HERC5: variants seen among roughly 807,000 people sequenced by gnomAD.
HERC5 encodes the protein E3 ISG15--protein ligase HERC5.
A neutral mutation model predicts 119.6 loss-of-function variants in HERC5; 99 were observed. The ratio of observed to expected loss-of-function variants is 0.83; its 90% CI spans 0.70 to 0.98. The LOEUF (loss-of-function observed/expected upper bound fraction) is 0.98, where lower values mean the gene tolerates loss of function less well. Among genes scored for constraint, HERC5 ranks in the 50% least tolerant of loss-of-function variants. The pLI is 0.00. For missense variants in HERC5, 1,267 were observed against 1,241.3 expected, an observed-to-expected ratio of 1.02 and a Z score of -0.31; for synonymous variants, 478 against 445.9, an observed-to-expected ratio of 1.07 and a Z score of -0.91.
intron 18 of HERC5, among the ~76,000 whole-genome samples, chr4:88,499,388 T>C (rs74658427): frequency 0.12 from 17,692 of 152,212 alleles, 1,297 homozygotes; most frequent in East Asian, 0.25. Flanking sequence ...AATTTAAAAA[T>C]TGGTTACTGT....
rs189314155 is a variant in HERC5, at chr4:88,499,952, A to G, written c.2471A>G (p.Glu824Gly). 9 of 1,608,928 alleles carry G rather than the reference A, an allele frequency of 5.6e-6. No individual in the cohort carries two copies. The highest frequency in any genetic ancestry group is 6.8e-6 in the Non-Finnish European group (8 of 1,175,646). Residue 824 changes from glutamate (E) to glycine (G), a missense_variant, in exon 19 of 23, where the codon GAA becomes GGA. Glu to Gly is a moderately conservative substitution (Grantham distance 98). This residue lies in a region of HERC5 where 473 missense variants were observed against 445.7 expected (regional missense o/e 1.06). Transcript: ENST00000264350. Reference protein sequence around the residue: ...GKNLQTLLDDEGDNFEEVFYI... With the variant: ...GKNLQTLLDDGGDNFEEVFYI... ...AATTTGCAAACACTTCTGGATGATG[A>G]AGGTGATAACTTTGAGGAAGTATTT...
At position 88,494,247 on chromosome 4, in the gene HERC5, C is replaced by G; in HGVS notation, c.2360C>G (p.Pro787Arg). Residue 787 changes from proline (P) to arginine (R), a missense_variant, in exon 18 of 23, where the codon CCT becomes CGT. Physicochemically the swap from Pro to Arg is moderately radical, Grantham distance 103. Transcript: ENST00000264350. ...TTCAATTGCAATGTTGCCAACCTTC[C>G]TTTCCCACTGGCACTGTTTAAGAAA... is the stretch of plus-strand genomic sequence containing the variant. The part of the protein sequence containing the change: ...SLFNCNVANL[P>R]FPLALFKKLL... 6.2e-7 allele frequency: 1 copy of G among 1,613,226 alleles called. No homozygotes were observed. The highest frequency in any genetic ancestry group is 1.1e-5 in the South Asian group (1 of 91,032).
Position 88,493,102 on chromosome 4 carries a change from T to C in HERC5, c.2224T>C (p.Tyr742His). 6.2e-7 allele frequency: 1 copy of C among 1,614,132 alleles called. No homozygotes were observed. The highest frequency in any genetic ancestry group is 8.5e-7 in the Non-Finnish European group (1 of 1,180,012). Residue 742 changes from tyrosine (Y) to histidine (H), a missense_variant, in exon 17 of 23, where the codon TAT (tyrosine) becomes CAT (histidine). Coordinates refer to ENST00000264350, the MANE Select transcript of HERC5 (RefSeq NM_016323.4). The part of the protein sequence containing the change: ...CLFAEMIQPE[Y>H]GMFMYPEGAS... ...GTTTGCAGAGATGATCCAGCCGGAA[T>C]ATGGGATGTTCATGTATCCTGAAGG...
In HERC5 at chr4:88,459,486, C is replaced by A. The variant is rs1468179697; in HGVS notation, c.389+16C>A. ...AACATCTAAGGTAGGGAACTTTTTT[C>A]TTTTATTAAAAATTAATTTTAATCA... On this transcript the variant is annotated intron_variant, in intron 2 of 22. Transcript: ENST00000264350. 1.4e-6 allele frequency: 2 copies of A among 1,462,254 alleles called. No homozygotes were observed. The highest frequency in any genetic ancestry group is 1.8e-6 in the Non-Finnish European group (2 of 1,087,992). The allele number at this position is 1,462,254 out of a possible 1,614,324, so 90.6% of individuals were successfully genotyped here. A position where few individuals can be genotyped will look rare whatever the true frequency, so the allele number is the denominator to read the frequency against.
chr4:88,468,025 C>G, intron 7 of HERC5: 1 of 323,730 alleles, frequency 3.1e-6, no homozygotes, highest in Non-Finnish European at 4.5e-6. Context: ...ATCTTGAAAA[C>G]ATGGTTTTTA....
chr4:88,499,973 T>A lies in HERC5; in HGVS notation c.2492T>A (p.Val831Glu). The A allele has an allele frequency of 6.2e-7, 1 of 1,603,550 alleles. No individual in the cohort carries two copies. Among genetic ancestry groups the A allele is most frequent in the Non-Finnish European group, 8.5e-7 (1 of 1,170,670 alleles). ...GATGAAGGTGATAACTTTGAGGAAG[T>A]ATTTTACATCCATTTTAATGTGAGT... ...LDDEGDNFEE[V>E]FYIHFNVHWD... is the part of the protein sequence containing the mutation. Residue 831 changes from valine to glutamate, a missense_variant, in exon 19 of 23, where the codon GTA becomes GAA. By Grantham distance (121) the Val-to-Glu change is moderately radical (BLOSUM62 -2). This residue lies in a region of HERC5 where 473 missense variants were observed against 445.7 expected (regional missense o/e 1.06). Transcript: ENST00000264350.
chr4:88,460,686 C>A (rs986441033), intron 3 of HERC5, among the ~76,000 whole-genome samples: 1 of 152,112 alleles, frequency 6.6e-6, no homozygotes, highest in Non-Finnish European at 1.5e-5. Flanking sequence ...TGAATTATTT[C>A]CTAAAGAAAC....
rs758710760 is a variant in HERC5, at chr4:88,459,448, A to G, written c.367A>G (p.Asn123Asp). The stretch of plus-strand genomic sequence containing the variant: ...AGATGGAAAACCATTTGAGTATGAC[A>G]ACTATAGCATGAAACATCTAAGGTA... ...SSDGKPFEYD[N>D]YSMKHLRFES... is the part of the protein sequence containing the mutation. Residue 123 changes from asparagine (N) to aspartate (D), a missense_variant, in exon 2 of 23, where the codon AAC becomes GAC. Asn to Asp is a conservative substitution (Grantham distance 23). Coordinates refer to ENST00000264350, the MANE Select transcript of HERC5 (RefSeq NM_016323.4). 4 of 1,571,574 alleles carry G rather than the reference A, an allele frequency of 2.5e-6. No homozygotes were observed. In the South Asian group the frequency reaches 4.8e-5, roughly 19 times the overall value.
rs1212538698 is a variant in HERC5 at position 88,499,906 on chromosome 4, C to T, written c.2445-20C>T. On this transcript the variant is annotated intron_variant, in intron 18 of 22. Coordinates refer to ENST00000264350, the MANE Select transcript of HERC5 (RefSeq NM_016323.4). ...ATCATGGTTATTACCTTTTTAAAAG[C>T]AAGATTATTTTTTCCTTAGGAATTT... 6.4e-7 allele frequency: 1 copy of T among 1,566,392 alleles called. No individual in the cohort carries two copies. Among genetic ancestry groups the T allele is most frequent in the Non-Finnish European group, 8.8e-7 (1 of 1,137,938 alleles).
In HERC5 at chr4:88,494,285, A is replaced by G. The variant is rs1305793096; in HGVS notation, c.2398A>G (p.Met800Val). The G allele has an allele frequency of 1.9e-6, 3 of 1,613,444 alleles. No individual in the cohort carries two copies. Among genetic ancestry groups the G allele is most frequent in the East Asian group, 2.2e-5 (1 of 44,794 alleles). The change falls in exon 18 of 23, where the codon ATG (methionine) becomes GTG (valine). Residue 800 changes from methionine to valine, a missense_variant. By Grantham distance (21) the Met-to-Val change is conservative (BLOSUM62 1). This residue lies in a region of HERC5 where 473 missense variants were observed against 445.7 expected (regional missense o/e 1.06). Transcript: ENST00000264350. ...LALFKKLLDQ[M>V]PSLEDLKELS... ...ACTGTTTAAGAAACTTTTGGACCAA[A>G]TGCCATCATTGGAAGACTTGAAAGA...
At chr4:88,500,038 A>G (rs780413914) in intron 19 of HERC5, 46 bp downstream of exon 19, 5 of 1,153,504 alleles carry the variant, frequency 4.3e-6, no homozygotes, top group African/African-American at 1.5e-5. Context: ...TAATCTGATT[A>G]ACCCTTTACA....
intron 1 of HERC5, 83 bp downstream of exon 1, chr4:88,457,617 C>T (rs1393152438): frequency 9.9e-6 from 12 of 1,208,466 alleles, no homozygotes; most frequent in Non-Finnish European, 9.3e-6. Context: ...GCCGGGGGTC[C>T]GCGCCTGAGG....
intron 15 of HERC5, 92 bp downstream of exon 15, chr4:88,487,271 T>A: frequency 1.5e-6 from 1 of 658,340 alleles, no homozygotes; most frequent in Middle Eastern, 3.6e-4. Context: ...GAGAACCACC[T>A]ACCAGTGAAA....
rs1740780441 is a variant in HERC5 at position 88,469,216 on chromosome 4, A to G, written c.1194A>G (p.Arg398=). 1.9e-6 allele frequency: 3 copies of G among 1,613,734 alleles called. No individual in the cohort carries two copies. Among genetic ancestry groups the G allele is most frequent in the Non-Finnish European group, 2.5e-6 (3 of 1,179,638 alleles). Residue 398 remains arginine, a synonymous_variant, in exon 9 of 23, where the codon AGA becomes AGG. Transcript: ENST00000264350. The stretch of plus-strand genomic sequence containing the variant: ...CTCTGAATGAAGGGACTGTAAAGAG[A>G]TGGATTGCTGATGTGGAGACTAAAC... ...IPTLNEGTVK[R]WIADVETKRW... is the part of the protein sequence containing the mutation.
intron 7 of HERC5, 149 bp from the exon 8 acceptor site, chr4:88,468,197 C>T (rs921045868): frequency 1.1e-5 from 6 of 571,172 alleles, no homozygotes; most frequent in African/African-American, 3.8e-5. Flanking sequence ...TGTATTTCAG[C>T]TGCTTAATTG....
Position 88,479,389 on chromosome 4 carries a change from G to A in HERC5, c.1619G>A (p.Ser540Asn). The A allele has an allele frequency of 6.2e-7, 1 of 1,610,060 alleles. No homozygotes were observed. The change falls in exon 13 of 23, where the codon AGC (serine) becomes AAC (asparagine). Residue 540 changes from serine to asparagine, a missense_variant. This residue lies in a region of HERC5 where 777 missense variants were observed against 758.0 expected (regional missense o/e 1.03). Transcript: ENST00000264350. ...YWATLQESTFSKLVQMFKTAV... is the reference protein window; with the variant it reads ...YWATLQESTFNKLVQMFKTAV... ...GCAACTCTGCAAGAATCCACTTTCA[G>A]CAAACTGGTCCAGATGTTTAAAACA...
chr4:88,481,275 A>G (rs1399259408), intron 13 of HERC5, among the ~76,000 whole-genome samples: 1 of 151,754 alleles, frequency 6.6e-6, no homozygotes, highest in Non-Finnish European at 1.5e-5. Context: ...CTGGTCTCGA[A>G]CTCCTGAGCT....
chr4:88,498,891 A>G (rs1426982324), intron 18 of HERC5, among the ~76,000 whole-genome samples: 1 of 152,224 alleles, frequency 6.6e-6, no homozygotes, highest in Non-Finnish European at 1.5e-5. Flanking sequence ...TTTTAGAAGC[A>G]GGTAACTTGT....
intron 1 of HERC5, among the ~76,000 whole-genome samples, chr4:88,458,655 C>T (rs567920060): frequency 1.2e-4 from 19 of 152,180 alleles, no homozygotes; most frequent in Non-Finnish European, 2.2e-4. Flanking sequence ...GATTTTTACA[C>T]GAATAGATTC....
Sources: allele counts gnomAD v4.1 joint callset (sites outside exome capture counted in the v4.1 genomes callset), GRCh38; gene constraint gnomAD v4.1.1; regional missense constraint gnomAD v4.1.1; transcripts MANE v1.5; gene names NCBI Gene and HGNC (gene_info 2026-07-23, HGNC 2026-07-21).